The following RBFOX1 variants were observed in gnomAD, a reference collection of about 807,000 sequenced individuals.
RBFOX1 encodes the protein RNA binding fox-1 homolog 1.
RBFOX1 carries 8 observed loss-of-function variants against 57.7 expected under a neutral mutation model. The ratio of observed to expected loss-of-function variants is 0.14; its 90% CI spans 0.08 to 0.25. RBFOX1 has a LOEUF of 0.25. Among genes scored for constraint, RBFOX1 ranks in the 10% least tolerant of loss-of-function variants. The pLI, the probability that RBFOX1 is intolerant of heterozygous loss-of-function variation, is 1.00. For missense variants in RBFOX1, 611 were observed against 548.5 expected (o/e 1.11, Z -1.14); for synonymous variants, 326 against 222.4 (o/e 1.47, Z -4.15).
At chr16:6,841,778 C>T (rs567084816) in intron 3 of RBFOX1, among the ~76,000 whole-genome samples, 1 of 152,076 alleles carries the variant, frequency 6.6e-6, no homozygotes, top group Non-Finnish European at 1.5e-5. Context: ...TTAAGGGTTC[C>T]ATTCTCAAGC....
chr16:6,747,008 A>G (rs1179293433), intron 3 of RBFOX1, among the ~76,000 whole-genome samples: 2 of 152,088 alleles, frequency 1.3e-5, no homozygotes, highest in African/African-American at 4.8e-5. Flanking sequence ...TCCCCTCACC[A>G]CAGATTATTG....
chr16:7,320,003 C>T (rs2096516837), intron 4 of RBFOX1, among the ~76,000 whole-genome samples: 1 of 152,168 alleles, frequency 6.6e-6, no homozygotes, highest in Non-Finnish European at 1.5e-5. Flanking sequence ...TCTTCTAGGA[C>T]TGCCTTTTAT....
At chr16:6,787,766 T>C (rs1017239176) in intron 3 of RBFOX1, among the ~76,000 whole-genome samples, 1 of 152,210 alleles carries the variant, frequency 6.6e-6, no homozygotes, top group Admixed American at 6.5e-5. Flanking sequence ...CCCCAAAACC[T>C]GGAGTTGTAA....
At chr16:5,735,684 G>A (rs776946354) in intron 3 of RBFOX1, among the ~76,000 whole-genome samples, 1 of 152,126 alleles carries the variant, frequency 6.6e-6, no homozygotes, top group Non-Finnish European at 1.5e-5. Flanking sequence ...GTCACCTGAG[G>A]TCAGGAGTTT....
rs144786747 is a variant in RBFOX1, at chr16:7,665,334, A to G, written c.930+366A>G. 9.7e-4 allele frequency among the ~76,000 whole-genome samples: 147 copies of G among 152,328 alleles called. 1 individual carries two copies. Among genetic ancestry groups the G allele is most frequent in the African/African-American group, 3.3e-3 (139 of 41,576 alleles). On this transcript the variant is annotated intron_variant, in intron 13 of 15. Coordinates refer to ENST00000550418, the MANE Select transcript of RBFOX1 (RefSeq NM_018723.4). ...AATATTTAGGATAACAGCTGTAGTC[A>G]CCAGCTGCAGAGGGTTAAAAGATAT...
intron 4 of RBFOX1, among the ~76,000 whole-genome samples, chr16:5,917,040 C>T (rs1419294639): frequency 2.6e-5 from 4 of 152,098 alleles, no homozygotes; most frequent in Non-Finnish European, 5.9e-5. Flanking sequence ...TCCACTGAGT[C>T]GCCCTTTCTC....
At chr16:5,776,322 C>T (rs2054146331) in intron 3 of RBFOX1, among the ~76,000 whole-genome samples, 1 of 152,178 alleles carries the variant, frequency 6.6e-6, no homozygotes, top group African/African-American at 2.4e-5. Context: ...GCCACGCTTC[C>T]ACTCTGTGTG....
chr16:6,600,377 T>A (rs2097838356), intron 2 of RBFOX1, among the ~76,000 whole-genome samples: 2 of 152,148 alleles, frequency 1.3e-5, no homozygotes, highest in South Asian at 4.2e-4. Flanking sequence ...GTCTGTCACA[T>A]GTTCCGTTAC....
chr16:6,624,228 G>C (rs538370656), intron 2 of RBFOX1, among the ~76,000 whole-genome samples: 1 of 152,294 alleles, frequency 6.6e-6, no homozygotes, highest in African/African-American at 2.4e-5. Flanking sequence ...TAAGGAGTAA[G>C]CCAGGAAAAG....
intron 1 of RBFOX1, among the ~76,000 whole-genome samples, chr16:5,345,089 C>G (rs934903509): frequency 6.6e-6 from 1 of 152,194 alleles, no homozygotes; most frequent in African/African-American, 2.4e-5. Flanking sequence ...TCATGGAGCC[C>G]ATCGTGAAGA....
chr16:6,419,115 A>AT (rs1344851249), intron 2 of RBFOX1, among the ~76,000 whole-genome samples: 7 of 152,166 alleles, frequency 4.6e-5, no homozygotes, highest in Non-Finnish European at 7.4e-5. Context: ...GGCCAGCATG[A>AT]TTTTTCTTAA....
intron 4 of RBFOX1, among the ~76,000 whole-genome samples, chr16:7,127,009 T>C (rs1269752378): frequency 4.6e-5 from 2 of 43,858 alleles, no homozygotes; most frequent in Non-Finnish European, 7.4e-5. Flanking sequence ...AGAATCCGTC[T>C]CAAAAAAAAA....
At chr16:7,384,704 T>A (rs919542683) in intron 4 of RBFOX1, among the ~76,000 whole-genome samples, 1 of 152,190 alleles carries the variant, frequency 6.6e-6, no homozygotes, top group Non-Finnish European at 1.5e-5. Context: ...AGACTTAGAC[T>A]TGCACGAAAT....
chr16:5,853,153 G>C (rs9937330), intron 3 of RBFOX1, among the ~76,000 whole-genome samples: 1 of 151,978 alleles, frequency 6.6e-6, no homozygotes, highest in African/African-American at 2.4e-5. Flanking sequence ...CTGAATAGGG[G>C]CAGAGCAAGG....
At chr16:5,992,827 G>T (rs112754730) in intron 4 of RBFOX1, among the ~76,000 whole-genome samples, 182 of 152,230 alleles carry the variant, frequency 1.2e-3, no homozygotes, top group African/African-American at 4.2e-3. Context: ...CCAGCTATTC[G>T]GGAGGCTGAT....
intron 4 of RBFOX1, among the ~76,000 whole-genome samples, chr16:7,183,952 G>C (rs1320846746): frequency 1.3e-5 from 2 of 152,128 alleles, no homozygotes; most frequent in African/African-American, 4.8e-5. Flanking sequence ...TAAAATTTCA[G>C]ACTGCAATGA....
At chr16:7,277,642 C>A (rs1480670465) in intron 4 of RBFOX1, among the ~76,000 whole-genome samples, 1 of 151,900 alleles carries the variant, frequency 6.6e-6, no homozygotes, top group Non-Finnish European at 1.5e-5. Flanking sequence ...TGGTAGGGTT[C>A]CTTAAAGGCC....
chr16:7,570,428 G>A (rs745516476), intron 5 of RBFOX1, among the ~76,000 whole-genome samples: 1 of 152,064 alleles, frequency 6.6e-6, no homozygotes, highest in Non-Finnish European at 1.5e-5. Flanking sequence ...GATTTCTACT[G>A]ACAACTTCAT....
At chr16:6,520,320 AC>A (rs1211328472) in intron 2 of RBFOX1, among the ~76,000 whole-genome samples, 2 of 152,192 alleles carry the variant, frequency 1.3e-5, no homozygotes, top group African/African-American at 4.8e-5. Context: ...TGTTTATAGA[AC>A]TACAAAATCC....
Sources: gnomAD v4.1 joint callset for allele counts (sites outside exome capture counted in the v4.1 genomes callset) on GRCh38, gnomAD v4.1.1 for gene constraint, MANE v1.5 for transcripts, NCBI Gene and HGNC (gene_info 2026-07-23, HGNC 2026-07-21) for gene names.